The following ASCC2 variants were observed in gnomAD, a reference collection of about 807,000 sequenced individuals.
ASCC2 encodes ASC-1 complex subunit P100.
ASCC2 carries 42 observed loss-of-function variants against 93.5 expected under a neutral mutation model. The observed-to-expected ratio is 0.45, with a 90% CI of 0.35 to 0.58. ASCC2 has a LOEUF of 0.58. Among genes scored for constraint, ASCC2 ranks in the 20% least tolerant of loss-of-function variants. The pLI is 0.00. For synonymous variants in ASCC2, 364 were observed against 384.2 expected (o/e 0.95, Z 0.62); for missense variants, 859 against 977.6 (o/e 0.88, Z 1.62).
At chr22:29,792,623 G>A (rs927519841) in intron 17 of ASCC2, 88 bp from the exon 18 acceptor site, 4 of 1,552,790 alleles carry the variant, frequency 2.6e-6, no homozygotes, top group Non-Finnish European at 3.5e-6. Flanking sequence ...TGGGTGAGAT[G>A]GGGCCGCCAG....
At chr22:29,821,765 C>A in intron 5 of ASCC2, 1 of 314,004 alleles carries the variant, frequency 3.2e-6, no homozygotes, top group Non-Finnish European at 6.3e-6. Context: ...GAAGCTAAAG[C>A]AGGAGGATGA....
At chr22:29,834,450 G>T (rs773744234) in intron 1 of ASCC2, 12 of 469,232 alleles carry the variant, frequency 2.6e-5, no homozygotes, top group Non-Finnish European at 5.3e-5. Context: ...ACCCTAGAAG[G>T]AGTAATAAGA....
At chr22:29,812,228 T>G (rs1392651094) in intron 8 of ASCC2, among the ~76,000 whole-genome samples, 3 of 152,166 alleles carry the variant, frequency 2.0e-5, no homozygotes, top group Admixed American at 2.0e-4. Context: ...GTTGGGCAGC[T>G]CCCAGAAGCT....
intron 1 of ASCC2, among the ~76,000 whole-genome samples, chr22:29,834,992 GGT>G (rs1341399730): frequency 6.6e-6 from 1 of 152,034 alleles, no homozygotes; most frequent in East Asian, 1.9e-4. Flanking sequence ...GGGAGTGTTG[GGT>G]GTGAGACACA....
intron 5 of ASCC2, among the ~76,000 whole-genome samples, chr22:29,818,427 C>T (rs1271609422): frequency 9.6e-5 from 4 of 41,774 alleles, no homozygotes; most frequent in African/African-American, 3.7e-4. Flanking sequence ...CACACACACA[C>T]ACACACACAC....
chr22:29,790,265 G>C (rs563485755), intron 19 of ASCC2, among the ~76,000 whole-genome samples: 140 of 152,300 alleles, frequency 9.2e-4, no homozygotes, highest in Middle Eastern at 6.8e-3. Context: ...GTGACTTCTG[G>C]CTGGTTACTT....
At chr22:29,800,225 T>G (rs141110437) in intron 15 of ASCC2, among the ~76,000 whole-genome samples, 248 of 152,308 alleles carry the variant, frequency 1.6e-3, no homozygotes, top group Middle Eastern at 6.8e-3. Flanking sequence ...AAGTGACCCC[T>G]CCTCACCCTT....
Position 29,790,526 on chromosome 22 carries a change from G to A in ASCC2, c.2045C>T (p.Pro682Leu), listed in dbSNP as rs2057581980. The A allele has an allele frequency of 6.2e-7, 1 of 1,614,028 alleles. No individual in the cohort carries two copies. Among genetic ancestry groups the A allele is most frequent in the Admixed American group, 1.7e-5 (1 of 60,010 alleles). Residue 682 changes from proline (P) to leucine (L), a missense_variant, in exon 19 of 20, where the codon CCT becomes CTT. Transcript: ENST00000307790. ...TTCTGCCTTCTCTCTCAGCACTGCAGGGTCCTGAACAAAATGGTCGGGCTG... is the reference window on the plus strand; with the variant it reads ...TTCTGCCTTCTCTCTCAGCACTGCAAGGTCCTGAACAAAATGGTCGGGCTG... ...APKPDHFVQD[P>L]AVLREKAEAR...
At chr22:29,820,993 C>T (rs6006267) in intron 5 of ASCC2, among the ~76,000 whole-genome samples, 3 of 151,052 alleles carry the variant, frequency 2.0e-5, no homozygotes, top group Admixed American at 6.6e-5. Context: ...CTAGGTATTT[C>T]GAAGACTGTG....
intron 1 of ASCC2, among the ~76,000 whole-genome samples, chr22:29,837,390 G>A (rs1197132821): frequency 6.6e-6 from 1 of 152,134 alleles, no homozygotes; most frequent in Non-Finnish European, 1.5e-5. Flanking sequence ...ACGAGATCAC[G>A]CCACTGCACT....
At chr22:29,814,827 C>A (rs2060654137) in intron 6 of ASCC2, 60 bp from the exon 7 acceptor site, 1 of 1,393,412 alleles carries the variant, frequency 7.2e-7, no homozygotes, top group Non-Finnish European at 1.0e-6. Flanking sequence ...GGACCCCTGG[C>A]AGCAGCCAGG....
chr22:29,834,629 T>A, intron 1 of ASCC2: 1 of 464,686 alleles, frequency 2.2e-6, no homozygotes, highest in Non-Finnish European at 4.5e-6. Flanking sequence ...AAAGCATAGA[T>A]AATATCCTCT....
intron 8 of ASCC2, among the ~76,000 whole-genome samples, chr22:29,813,128 G>A (rs1393012884): frequency 2.6e-5 from 4 of 152,048 alleles, no homozygotes; most frequent in South Asian, 4.2e-4. Flanking sequence ...TGATCCACCC[G>A]CCTCGGCCTC....
Position 29,838,274 on chromosome 22 carries a change from T to C in ASCC2, c.-114A>G, listed in dbSNP as rs1037120809. ...AGCGCCCGCACTTCCGGGGTCAAAC[T>C]GCGATTCCGCAGGAGCAGACAGGAA... is the stretch of plus-strand genomic sequence containing the variant. On this transcript the variant is annotated 5_prime_UTR_variant, in exon 1 of 20. Transcript: ENST00000307790. 2.2e-6 allele frequency: 1 copy of C among 463,090 alleles called. No individual in the cohort carries two copies. 28.7% of individuals were successfully genotyped at this position (463,090 alleles called of 1,614,324 possible).
intron 8 of ASCC2, among the ~76,000 whole-genome samples, chr22:29,809,103 C>T (rs1601967925): frequency 8.0e-6 from 1 of 124,676 alleles, no homozygotes; most frequent in Admixed American, 9.5e-5. Flanking sequence ...GCCTGGGCAA[C>T]AGAGTGAGAC....
intron 12 of ASCC2, 94 bp from the exon 13 acceptor site, chr22:29,804,924 T>A: frequency 2.2e-6 from 3 of 1,380,246 alleles, no homozygotes; most frequent in Non-Finnish European, 3.0e-6. Flanking sequence ...ACATGGTTCC[T>A]GCCAGGGGCT....
At chr22:29,826,358 C>A (rs1699622476) in intron 2 of ASCC2, among the ~76,000 whole-genome samples, 1 of 151,908 alleles carries the variant, frequency 6.6e-6, no homozygotes, top group Admixed American at 6.6e-5. Context: ...CTCCCGTTGC[C>A]CAGGCTGAAG....
At chr22:29,815,171 C>T in intron 6 of ASCC2, 1 of 198,858 alleles carries the variant, frequency 5.0e-6, no homozygotes, top group Non-Finnish European at 1.0e-5. Flanking sequence ...ATGGTGTGTA[C>T]CTGTAATCCC....
chr22:29,789,232 G>A, intron 19 of ASCC2, 48 bp from the exon 20 acceptor site: 1 of 1,610,298 alleles, frequency 6.2e-7, no homozygotes, highest in Non-Finnish European at 8.5e-7. Context: ...GCCGGAAGAG[G>A]CTCTGGCGGG....
Sources: allele counts gnomAD v4.1 joint callset (sites outside exome capture counted in the v4.1 genomes callset), GRCh38; gene constraint gnomAD v4.1.1; transcripts MANE v1.5; gene names NCBI Gene and HGNC (gene_info 2026-07-23, HGNC 2026-07-21).